Variants in ADCY9 observed in about 807,000 individuals in gnomAD.
The protein encoded by ADCY9 is adenylate cyclase 9, also known as adenylate cyclase type 9.
A neutral mutation model predicts 101.5 loss-of-function variants in ADCY9; 50 were observed. The ratio of observed to expected loss-of-function variants is 0.49; its 90% CI spans 0.39 to 0.62. The LOEUF is 0.62. Ranked by LOEUF, ADCY9 falls within the 20% of genes least tolerant of loss-of-function variation. The pLI is 0.00. For synonymous variants in ADCY9, 905 were observed against 769.3 expected (o/e 1.18, Z -2.92); for missense variants, 1,662 against 1,800.4 (o/e 0.92, Z 1.39).
chr16:4,010,427 C>G (rs1014964803), intron 2 of ADCY9, among the ~76,000 whole-genome samples: 4 of 152,258 alleles, frequency 2.6e-5, no homozygotes, highest in African/African-American at 9.6e-5. Context: ...GCGGCGGCCT[C>G]TGCTCACAAG....
chr16:4,059,325 G>A (rs1443972052), intron 2 of ADCY9, among the ~76,000 whole-genome samples: 1 of 144,364 alleles, frequency 6.9e-6, no homozygotes, highest in African/African-American at 2.6e-5. Flanking sequence ...AGGCTGCAGT[G>A]AGCCGAGATC....
At chr16:4,106,045 G>A (rs1007727037) in intron 2 of ADCY9, among the ~76,000 whole-genome samples, 8 of 152,106 alleles carry the variant, frequency 5.3e-5, no homozygotes, top group African/African-American at 7.2e-5. Context: ...AGCCTCTAGC[G>A]GGTTTGATGT....
intron 2 of ADCY9, among the ~76,000 whole-genome samples, chr16:4,045,767 T>C (rs2056658902): frequency 6.6e-6 from 1 of 151,636 alleles, no homozygotes; most frequent in Admixed American, 6.6e-5. Flanking sequence ...GGCGCGATCT[T>C]GGCTCACTGC....
Position 4,115,951 on chromosome 16 carries a change from A to C in ADCY9, c.-305T>G. The C allele has an allele frequency of 6.2e-6, 2 of 320,968 alleles. No individual in the cohort carries two copies. The highest frequency in any genetic ancestry group is 1.1e-5 in the Non-Finnish European group (2 of 189,348). The allele number at this position is 320,968 out of a possible 1,614,324, so 19.9% of individuals were successfully genotyped here. A position where few individuals can be genotyped will look rare whatever the true frequency, so the allele number is the denominator to read the frequency against. On this transcript the variant is annotated 5_prime_UTR_variant, in exon 1 of 11. Transcript: ENST00000294016. This position sits in a 1 kb window ranked among gnomAD's most constrained non-coding sequence, Gnocchi z 6.2. ...GCAGGAGCCGCGCTCCGATGCGTCAAAGGCGGCGCGCGGCCGGCCCCGGGC... is the reference window on the plus strand; with the variant it reads ...GCAGGAGCCGCGCTCCGATGCGTCACAGGCGGCGCGCGGCCGGCCCCGGGC...
In ADCY9 at chr16:3,969,614, T is replaced by TATATACGTA. The variant is rs1567414929; in HGVS notation, c.2871-2649_2871-2648insTACGTATAT. Among the ~76,000 whole-genome samples the TATATACGTA allele has an allele frequency of 6.3e-3, 320 of 50,682 alleles. 32 individuals are homozygous for TATATACGTA. The highest frequency in any genetic ancestry group is 0.022 in the African/African-American group (274 of 12,580). 33.2% of individuals were successfully genotyped at this position (50,682 alleles called of 152,430 possible). ...TATATATATATATATATATATGTAT[T>TATATACGTA]TTTTTTTTTTTTTAAGAAGAGACAG... On this transcript the variant is annotated intron_variant, in intron 10 of 10. Transcript: ENST00000294016.
downstream of ADCY9, among the ~76,000 whole-genome samples, chr16:3,958,229 C>T (rs2238431): frequency 0.29 from 44,525 of 151,884 alleles, 7,611 homozygotes; most frequent in African/African-American, 0.46. Context: ...CAAACACTGC[C>T]GAGGGAGGAA....
At chr16:3,994,303 C>G (rs2056270487) in intron 3 of ADCY9, among the ~76,000 whole-genome samples, 1 of 152,174 alleles carries the variant, frequency 6.6e-6, no homozygotes, top group South Asian at 2.1e-4. Context: ...CTGAGAAATA[C>G]ATTTCTGTTG....
intron 2 of ADCY9, among the ~76,000 whole-genome samples, chr16:4,080,709 AT>A (rs2056896180): frequency 8.9e-6 from 1 of 112,506 alleles, no homozygotes; most frequent in Non-Finnish European, 1.7e-5. Flanking sequence ...TACCAGAAAC[AT>A]TTTTTTCGTT....
chr16:3,996,817 G>A (rs549826180), intron 3 of ADCY9, among the ~76,000 whole-genome samples: 44 of 152,218 alleles, frequency 2.9e-4, no homozygotes, highest in Admixed American at 9.2e-4. Flanking sequence ...GTCTGTTTCA[G>A]GTATTTTTCT....
intron 2 of ADCY9, among the ~76,000 whole-genome samples, chr16:4,095,063 C>T (rs941703596): frequency 4.1e-5 from 6 of 148,014 alleles, no homozygotes; most frequent in Non-Finnish European, 8.9e-5. Flanking sequence ...AGTGCAATGG[C>T]GCAATCTCAG....
At chr16:3,985,510 G>A (rs1231228417) in intron 6 of ADCY9, among the ~76,000 whole-genome samples, 1 of 152,160 alleles carries the variant, frequency 6.6e-6, no homozygotes, top group Non-Finnish European at 1.5e-5. Flanking sequence ...TCCCCTTTCT[G>A]TGGGGCTCCA....
At chr16:3,979,739 G>A (rs376310087) in intron 7 of ADCY9, among the ~76,000 whole-genome samples, 1 of 152,174 alleles carries the variant, frequency 6.6e-6, no homozygotes, top group Non-Finnish European at 1.5e-5. Flanking sequence ...GTGGGCAGGC[G>A]CCAGGGACAG....
intron 10 of ADCY9, among the ~76,000 whole-genome samples, chr16:3,972,354 C>A (rs142154681): frequency 6.6e-6 from 1 of 151,958 alleles, no homozygotes; most frequent in African/African-American, 2.4e-5. Flanking sequence ...CTCAGCCTCC[C>A]GAGTAGCTGG....
chr16:3,992,604 G>C lies in ADCY9; in HGVS notation c.1990-241C>G, dbSNP rs1276344460. Among the ~76,000 whole-genome samples the C allele has an allele frequency of 2.0e-5, 3 of 152,134 alleles. No individual in the cohort carries two copies. The highest frequency in any genetic ancestry group is 2.9e-5 in the Non-Finnish European group (2 of 68,034). ...CCCAGTGGTAACGCTGGGTGTTCAGGCTGCCAGGACATTGAGACATGGGAA... is the reference window on the plus strand; with the variant it reads ...CCCAGTGGTAACGCTGGGTGTTCAGCCTGCCAGGACATTGAGACATGGGAA... On this transcript the variant is annotated intron_variant, in intron 4 of 10. Coordinates refer to ENST00000294016, the MANE Select transcript of ADCY9 (RefSeq NM_001116.4). The surrounding 1 kb of genome is among the most constrained non-coding windows in gnomAD (Gnocchi z 4.2).
In ADCY9 at chr16:4,007,566, G is replaced by T. The variant is rs763512945; in HGVS notation, c.1694-8C>A. The T allele has an allele frequency of 6.2e-7, 1 of 1,601,346 alleles. No homozygotes were observed. Among genetic ancestry groups the T allele is most frequent in the African/African-American group, 1.3e-5 (1 of 74,454 alleles). On this transcript the variant is annotated splice_polypyrimidine_tract_variant and splice_region_variant and intron_variant, in intron 2 of 10. Coordinates refer to ENST00000294016, the MANE Select transcript of ADCY9 (RefSeq NM_001116.4). ...TCAGGTATGTCTTCAAACCTATGAT[G>T]GATAAAAGTTACAGTCAGCACAGAT...
chr16:4,105,423 G>A (rs1319968447), intron 2 of ADCY9, among the ~76,000 whole-genome samples: 1 of 151,770 alleles, frequency 6.6e-6, no homozygotes, highest in Non-Finnish European at 1.5e-5. Context: ...TATAATCCCA[G>A]CACTTTGAGA....
At position 4,115,288 on chromosome 16, in the gene ADCY9, G is replaced by C; in HGVS notation, c.155C>G (p.Ser52Cys). 1.2e-6 allele frequency: 2 copies of C among 1,613,884 alleles called. No homozygotes were observed. Among genetic ancestry groups the C allele is most frequent in the Non-Finnish European group, 1.7e-6 (2 of 1,179,890 alleles). The change falls in exon 2 of 11, where the codon TCT (serine) becomes TGT (cysteine). Residue 52 changes from serine to cysteine, a missense_variant. This residue lies in a region of ADCY9 where 422 missense variants were observed against 392.0 expected (regional missense o/e 1.08). Transcript: ENST00000294016. This position sits in a 1 kb window ranked among gnomAD's most constrained non-coding sequence, Gnocchi z 6.2. ...HPKHCKYSIS[S>C]SCSSSGDSGG... ...GGAGTCCCCAGAGCTGCTGCAGCTA[G>C]AGGAGATGCTGTATTTGCAGTGCTT...
rs920490189 is a variant in ADCY9, at chr16:3,984,697, A to C, written c.2311-1257T>G. Among the ~76,000 whole-genome samples, 4 of 152,204 alleles carry C rather than the reference A, an allele frequency of 2.6e-5. 1 individual carries two copies. The highest frequency in any genetic ancestry group is 6.5e-5 in the Admixed American group (1 of 15,280). On this transcript the variant is annotated intron_variant, in intron 6 of 10. Coordinates refer to ENST00000294016, the MANE Select transcript of ADCY9 (RefSeq NM_001116.4). ...GGCAGAGGCTGTGGTTGGGAGAGGA[A>C]GGGATGTAGCCAGTTCAGCTGCTTT...
chr16:4,009,476 C>T (rs577590338), intron 2 of ADCY9, among the ~76,000 whole-genome samples: 14 of 152,202 alleles, frequency 9.2e-5, no homozygotes, highest in South Asian at 2.1e-4. Flanking sequence ...AGGCTGGTCT[C>T]GAACTCCTAG....
Sources: allele counts gnomAD v4.1 joint callset (sites outside exome capture counted in the v4.1 genomes callset), GRCh38; gene constraint gnomAD v4.1.1; regional missense constraint gnomAD v4.1.1; non-coding constraint Gnocchi (gnomAD v3.1); transcripts MANE v1.5; gene names NCBI Gene and HGNC (gene_info 2026-07-23, HGNC 2026-07-21).